The following SV2C variants were observed in gnomAD, a reference collection of about 807,000 sequenced individuals.
SV2C encodes solute carrier family 22 member B3.
In SV2C, 49 loss-of-function variants were observed where a neutral mutation model predicts 79.7. That is an observed-to-expected ratio of 0.61 (90% CI 0.49 to 0.78). The LOEUF is 0.78. Among genes scored for constraint, SV2C ranks in the 30% least tolerant of loss-of-function variants. The pLI, the probability that SV2C is intolerant of heterozygous loss-of-function variation, is 0.00. For missense variants in SV2C, 833 were observed against 912.9 expected (o/e 0.91, Z 1.13); for synonymous variants, 334 against 333.2 (o/e 1.00, Z -0.03).
intron 2 of SV2C, among the ~76,000 whole-genome samples, chr5:76,188,140 A>T (rs1246846543): frequency 6.6e-6 from 1 of 152,146 alleles, no homozygotes; most frequent in East Asian, 1.9e-4. Context: ...ACGCACCTGT[A>T]GTCCCAACTA....
chr5:76,342,624 A>G (rs1423094802), intron 12 of SV2C, among the ~76,000 whole-genome samples: 1 of 152,238 alleles, frequency 6.6e-6, no homozygotes, highest in African/African-American at 2.4e-5. Context: ...TTGGGAGCTC[A>G]GTCTCTAGAC....
chr5:75,889,284 T>G, the SV2C span, among the ~76,000 whole-genome samples: 3 of 146,062 alleles, frequency 2.1e-5, no homozygotes, highest in Non-Finnish European at 4.5e-5. Flanking sequence ...CAGTGTGTGA[T>G]GTTCTCCTCC....
chr5:76,188,408 A>G (rs542232578), intron 2 of SV2C, among the ~76,000 whole-genome samples: 4 of 152,304 alleles, frequency 2.6e-5, no homozygotes, highest in African/African-American at 9.6e-5. Flanking sequence ...AGGCAGCACA[A>G]GGAACTTAAG....
chr5:76,231,379 A>G (rs913909378), intron 4 of SV2C, among the ~76,000 whole-genome samples: 2 of 152,210 alleles, frequency 1.3e-5, no homozygotes, highest in South Asian at 2.1e-4. Flanking sequence ...TCAATTTATG[A>G]AAAGATCCAG....
Position 76,194,910 on chromosome 5 carries a change from G to A in SV2C, c.581-9G>A. 6.2e-7 allele frequency: 1 copy of A among 1,612,852 alleles called. No individual in the cohort carries two copies. The highest frequency in any genetic ancestry group is 8.5e-7 in the Non-Finnish European group (1 of 1,179,422). On this transcript the variant is annotated splice_polypyrimidine_tract_variant and intron_variant, in intron 2 of 12. Transcript: ENST00000502798. ...TCTGATGTGTTTCTTTGTTTTCTGT[G>A]TGTTGCAGGCAGCATAGTGTACCTC...
chr5:76,134,418 G>A (rs1453734529), intron 2 of SV2C, among the ~76,000 whole-genome samples: 4 of 151,974 alleles, frequency 2.6e-5, no homozygotes, highest in Non-Finnish European at 5.9e-5. Context: ...TCATTTCATC[G>A]AATAATAGCT....
At chr5:75,988,361 A>G in the SV2C span, among the ~76,000 whole-genome samples, 1 of 151,970 alleles carries the variant, frequency 6.6e-6, no homozygotes, top group South Asian at 2.1e-4. Context: ...AGCTGTGTTG[A>G]ACATATTTAT....
rs148892434 is a variant in SV2C at position 76,136,399 on chromosome 5, G to A, written c.580+4069G>A. Among the ~76,000 whole-genome samples the A allele has an allele frequency of 2.9e-3, 440 of 152,322 alleles. 1 individual carries two copies. The highest frequency in any genetic ancestry group is 8.6e-3 in the African/African-American group (357 of 41,566). On this transcript the variant is annotated intron_variant, in intron 2 of 12. Coordinates refer to ENST00000502798, the MANE Select transcript of SV2C (RefSeq NM_014979.4). ...TAAGCATTAATTGAGTACCAACTCT[G>A]AGCCAGGTACCTGGCAAAGTACATT...
chr5:75,895,657 C>A, the SV2C span, among the ~76,000 whole-genome samples: 4 of 152,062 alleles, frequency 2.6e-5, no homozygotes, highest in African/African-American at 9.7e-5. Flanking sequence ...CCAAGCAATT[C>A]ATGGGCCTGG....
chr5:76,333,802 G>C lies in SV2C; in HGVS notation c.*8255G>C, dbSNP rs1170717345. On this transcript the variant is annotated 3_prime_UTR_variant, in exon 13 of 13. Transcript: ENST00000502798. ...TTGTGAAAGGGCATGCTCCATGTGG[G>C]ATGGCTCGTGTACAGCATAAATCTA... is the stretch of plus-strand genomic sequence containing the variant. 1 of 152,210 alleles carries C rather than the reference G, an allele frequency of 6.6e-6. No individual in the cohort carries two copies. The highest frequency in any genetic ancestry group is 1.5e-5 in the Non-Finnish European group (1 of 68,044). The allele number at this position is 152,210 out of a possible 1,614,324, so 9.4% of individuals were successfully genotyped here. A position where few individuals can be genotyped will look rare whatever the true frequency, so the allele number is the denominator to read the frequency against.
the SV2C span, among the ~76,000 whole-genome samples, chr5:75,965,031 T>G: frequency 2.6e-5 from 4 of 152,146 alleles, no homozygotes; most frequent in Non-Finnish European, 5.9e-5. Context: ...AAACTCTCCT[T>G]TTTTATATTT....
intron 4 of SV2C, among the ~76,000 whole-genome samples, chr5:76,236,564 AAAAAT>A (rs1034974389): frequency 1.3e-4 from 16 of 122,570 alleles, no homozygotes; most frequent in South Asian, 2.3e-4. Context: ...CCTGTATCAA[AAAAAT>A]AAAATAAAAT....
intron 4 of SV2C, among the ~76,000 whole-genome samples, chr5:76,259,735 G>T (rs1380418712): frequency 6.6e-6 from 1 of 152,098 alleles, no homozygotes; most frequent in African/African-American, 2.4e-5. Context: ...TGCTGAAGAT[G>T]ATGGTTTTCA....
intron 4 of SV2C, among the ~76,000 whole-genome samples, chr5:76,223,493 A>ATG (rs1750812828): frequency 5.7e-5 from 2 of 35,184 alleles, no homozygotes; most frequent in East Asian, 5.3e-4. Flanking sequence ...ATATATATAT[A>ATG]TATGTATATG....
In SV2C at chr5:76,295,758, A is replaced by T. The variant is rs200470375; in HGVS notation, c.1338-20A>T. On this transcript the variant is annotated intron_variant, in intron 8 of 12. Coordinates refer to ENST00000502798, the MANE Select transcript of SV2C (RefSeq NM_014979.4). ...GGCATGCTAGTGCCTTTACAAACTC[A>T]CATTTCTTTGTCTTTGCAGGTACTA... 142 of 1,597,008 alleles carry T rather than the reference A, an allele frequency of 8.9e-5. No homozygotes were observed. The highest frequency in any genetic ancestry group is 1.1e-4 in the Non-Finnish European group (135 of 1,174,640).
the SV2C span, among the ~76,000 whole-genome samples, chr5:75,885,027 T>C: frequency 2.0e-5 from 3 of 152,280 alleles, no homozygotes; most frequent in South Asian, 4.1e-4. Context: ...CTGTAATGCA[T>C]TCACGACTCA....
intron 2 of SV2C, among the ~76,000 whole-genome samples, chr5:76,148,517 G>A (rs566957114): frequency 2.4e-4 from 37 of 152,092 alleles, no homozygotes; most frequent in Admixed American, 2.2e-3. Flanking sequence ...TGATGCAGTC[G>A]CTGCTCACTG....
intron 2 of SV2C, among the ~76,000 whole-genome samples, chr5:76,155,566 C>A (rs1742697904): frequency 2.0e-5 from 3 of 152,118 alleles, no homozygotes; most frequent in Admixed American, 2.0e-4. Flanking sequence ...AAGTGCAGCC[C>A]AGAGGTGTGG....
At chr5:76,300,366 G>A (rs1747945781) in intron 10 of SV2C, among the ~76,000 whole-genome samples, 1 of 151,832 alleles carries the variant, frequency 6.6e-6, no homozygotes, top group Non-Finnish European at 1.5e-5. Flanking sequence ...GACACTATTA[G>A]TACTATAATG....
Sources: allele counts gnomAD v4.1 joint callset (sites outside exome capture counted in the v4.1 genomes callset), GRCh38; gene constraint gnomAD v4.1.1; transcripts MANE v1.5; gene names NCBI Gene and HGNC (gene_info 2026-07-23, HGNC 2026-07-21).